SLC43A3: variants seen among roughly 807,000 people sequenced by gnomAD.
The protein encoded by SLC43A3 is solute carrier family 43 member 3.
Under a neutral mutation model 53.3 loss-of-function variants are expected in SLC43A3, and 33 were observed. That is an observed-to-expected ratio of 0.62 (90% CI 0.47 to 0.83). The LOEUF (loss-of-function observed/expected upper bound fraction) is 0.83. Among genes scored for constraint, SLC43A3 ranks in the 40% least tolerant of loss-of-function variants. The pLI is 0.00. For missense variants in SLC43A3, 530 were observed against 610.0 expected (o/e 0.87, Z 1.38); for synonymous variants, 236 against 246.2 (o/e 0.96, Z 0.39).
At chr11:57,416,291 G>A (rs1942718075) in intron 9 of SLC43A3, among the ~76,000 whole-genome samples, 1 of 152,188 alleles carries the variant, frequency 6.6e-6, no homozygotes, top group African/African-American at 2.4e-5. Context: ...ACAGAAGAGG[G>A]CAGAACCGAG....
rs1942258307 is a variant in SLC43A3 at position 57,407,381 on chromosome 11, G to A, written c.*411C>T. The A allele has an allele frequency of 5.9e-6, 1 of 170,350 alleles. No individual in the cohort carries two copies. Among genetic ancestry groups the A allele is most frequent in the African/African-American group, 2.4e-5 (1 of 41,874 alleles). 10.6% of individuals were successfully genotyped at this position (170,350 alleles called of 1,614,324 possible). ...AGGGAGAGCCAGGAAGCATAGCTGA[G>A]GCCATGACAACCTCACTCTTCACCT... On this transcript the variant is annotated 3_prime_UTR_variant, in exon 14 of 14. Transcript: ENST00000395124.
In SLC43A3 at chr11:57,420,993, C is replaced by CTTAATAAT; in HGVS notation, c.509_510insATTATTAA (p.Ala171LeufsTer34). ...TTACCTTAATAATAAGGAAGACTGC[C>CTTAATAAT]GAGGAAGAGTCAAATGCTCCATTGT... On this transcript the variant is annotated frameshift_variant, in exon 7 of 14. Coordinates refer to ENST00000395124, the MANE Select transcript of SLC43A3 (RefSeq NM_199329.3). LOFTEE classifies it high-confidence loss of function. The CTTAATAAT allele has an allele frequency of 6.2e-7, 1 of 1,612,820 alleles. No individual in the cohort carries two copies. Among genetic ancestry groups the CTTAATAAT allele is most frequent in the Non-Finnish European group, 8.5e-7 (1 of 1,178,870 alleles).
intron 2 of SLC43A3, 101 bp from the exon 3 acceptor site, chr11:57,426,453 T>C: frequency 2.2e-6 from 1 of 453,652 alleles, no homozygotes. Flanking sequence ...AGGATGATCA[T>C]GGCCGCTGGC....
intron 8 of SLC43A3, among the ~76,000 whole-genome samples, 162 bp downstream of exon 8, chr11:57,417,586 A>C (rs531643086): frequency 9.1e-4 from 139 of 152,372 alleles, no homozygotes; most frequent in African/African-American, 3.1e-3. Flanking sequence ...AATGCTTAAC[A>C]TTTTAGGCTG....
At chr11:57,423,451 T>G (rs1477061692) in intron 5 of SLC43A3, among the ~76,000 whole-genome samples, 2 of 152,288 alleles carry the variant, frequency 1.3e-5, no homozygotes, top group East Asian at 3.9e-4. Flanking sequence ...TGTTTTTTGG[T>G]AGAGTCTCAC....
chr11:57,407,773 A>G lies in SLC43A3; in HGVS notation c.*19T>C. 6.5e-7 allele frequency: 1 copy of G among 1,533,254 alleles called. No homozygotes were observed. The highest frequency in any genetic ancestry group is 9.0e-7 in the Non-Finnish European group (1 of 1,107,340). The allele number at this position is 1,533,254 out of a possible 1,614,324, so 95.0% of individuals were successfully genotyped here. ...ATGAACAAAACCATCCTCGGGGCTG[A>G]AAAGTGAGGGCTTCTGAACTATGCA... On this transcript the variant is annotated 3_prime_UTR_variant, in exon 14 of 14. Transcript: ENST00000395124.
In SLC43A3 at chr11:57,413,116, G is replaced by C. The variant is rs1942558602; in HGVS notation, c.1060+1499C>G. On this transcript the variant is annotated intron_variant, in intron 11 of 13. Coordinates refer to ENST00000395124, the MANE Select transcript of SLC43A3 (RefSeq NM_199329.3). ...TTTCCTCCAAGCTTCTAATCCTGTTGTTTACAGGAAATACCCAAGGAAAGG... is the reference window on the plus strand; with the variant it reads ...TTTCCTCCAAGCTTCTAATCCTGTTCTTTACAGGAAATACCCAAGGAAAGG... Among the ~76,000 whole-genome samples the C allele has an allele frequency of 2.0e-5, 3 of 150,822 alleles. No individual in the cohort carries two copies. In the South Asian group the frequency reaches 6.3e-4, roughly 32 times the overall value.
intron 11 of SLC43A3, among the ~76,000 whole-genome samples, chr11:57,411,831 A>G (rs1942489390): frequency 6.6e-6 from 1 of 152,180 alleles, no homozygotes; most frequent in African/African-American, 2.4e-5. Flanking sequence ...TAAAACCAGT[A>G]ATTATATTTA....
At position 57,409,271 on chromosome 11, in the gene SLC43A3, G is replaced by A. The variant is rs1412380550; in HGVS notation, c.1275C>T (p.Leu425=). ...CCGACAAGGCCATCACCAGCCCAAAGAGCTTGCCAAAGTGCTCTGAAGGGA... is the reference window on the plus strand; with the variant it reads ...CCGACAAGGCCATCACCAGCCCAAAAAGCTTGCCAAAGTGCTCTGAAGGGA... The part of the protein sequence containing the change: ...LAFPSEHFGK[L]FGLVMALSAV... Residue 425 remains leucine, a synonymous_variant, in exon 13 of 14, where the codon CTC becomes CTT. Coordinates refer to ENST00000395124, the MANE Select transcript of SLC43A3 (RefSeq NM_199329.3). 1.9e-6 allele frequency: 3 copies of A among 1,614,214 alleles called. No homozygotes were observed. Among genetic ancestry groups the A allele is most frequent in the Non-Finnish European group, 2.5e-6 (3 of 1,180,026 alleles).
intron 12 of SLC43A3, among the ~76,000 whole-genome samples, 198 bp from the exon 13 acceptor site, chr11:57,409,496 C>T (rs952996969): frequency 2.6e-5 from 4 of 152,176 alleles, no homozygotes; most frequent in African/African-American, 9.7e-5. Flanking sequence ...AAGGCACATG[C>T]GGGGCCCTGG....
chr11:57,423,983 T>A lies in SLC43A3; in HGVS notation c.360A>T (p.Ala120=), dbSNP rs1419120244. The A allele has an allele frequency of 5.6e-6, 9 of 1,614,164 alleles. No individual in the cohort carries two copies. Among genetic ancestry groups the A allele is most frequent in the Non-Finnish European group, 6.8e-6 (8 of 1,179,990 alleles). The part of the protein sequence containing the change: ...TATLIIAFTS[A]GSAVLLFLAM... ...TCCCACCCACCTGACAGCACTCACC[T>A]GCAGAGGTGAAGGCTATGATGAGTG... The change falls in exon 5 of 14, where the codon GCA becomes GCT. Residue 120 remains alanine (A), a splice_region_variant and synonymous_variant. Transcript: ENST00000395124.
chr11:57,425,714 CA>C, intron 3 of SLC43A3, 44 bp from the exon 4 acceptor site: 2 of 1,610,248 alleles, frequency 1.2e-6, no homozygotes, highest in Non-Finnish European at 1.7e-6. Flanking sequence ...GCCTTCCTGC[CA>C]AATGAGCACA....
At chr11:57,424,472 C>T (rs1412121975) in intron 4 of SLC43A3, among the ~76,000 whole-genome samples, 1 of 152,236 alleles carries the variant, frequency 6.6e-6, no homozygotes, top group Non-Finnish European at 1.5e-5. Context: ...GGGCAAGGCG[C>T]TGTCCTTCTC....
At position 57,410,090 on chromosome 11, in the gene SLC43A3, C is replaced by T. The variant is rs1472040914; in HGVS notation, c.1092G>A (p.Ser364=). 16 of 1,608,508 alleles carry T rather than the reference C, an allele frequency of 9.9e-6. No individual in the cohort carries two copies. Among genetic ancestry groups the T allele is most frequent in the South Asian group, 1.1e-5 (1 of 89,774 alleles). ...ATGTCAGGGCCAGCGAAGGCACCGT[C>T]GAGCAGAGGGCCACCGCCAAAGTGG... ...GSSTLAVALC[S]TVPSLALTSL... Residue 364 remains serine, a synonymous_variant, in exon 12 of 14, where the codon TCG becomes TCA. Transcript: ENST00000395124.
In SLC43A3 at chr11:57,421,370, G is replaced by A. The variant is rs760002933; in HGVS notation, c.365C>T (p.Ser122Leu). 1.3e-5 allele frequency: 21 copies of A among 1,613,486 alleles called. No homozygotes were observed. The highest frequency in any genetic ancestry group is 1.7e-5 in the Non-Finnish European group (20 of 1,179,748). The change falls in exon 6 of 14, where the codon TCA (serine) becomes TTA (leucine). Residue 122 changes from serine (S) to leucine (L), a missense_variant. Coordinates refer to ENST00000395124, the MANE Select transcript of SLC43A3 (RefSeq NM_199329.3). ...TLIIAFTSAG[S>L]AVLLFLAMPM... Reference sequence around the variant, plus strand: ...CATGGCCAGGAAGAGCAGCACGGCTGAGCCTGGACCATCAAAGTCAGAGGT... The same window carrying A: ...CATGGCCAGGAAGAGCAGCACGGCTAAGCCTGGACCATCAAAGTCAGAGGT...
intron 7 of SLC43A3, 64 bp from the exon 8 acceptor site, chr11:57,417,951 G>A (rs544847369): frequency 1.3e-6 from 2 of 1,518,808 alleles, no homozygotes; most frequent in South Asian, 2.3e-5. Context: ...ATTCACAATA[G>A]CCAAAGGATG....
At chr11:57,425,415 C>T (rs189386774) in intron 4 of SLC43A3, 126 bp downstream of exon 4, 50 of 931,388 alleles carry the variant, frequency 5.4e-5, no homozygotes, top group African/African-American at 4.4e-4. Context: ...CTGCTGGGAG[C>T]GAGCTGCAGG....
intron 4 of SLC43A3, among the ~76,000 whole-genome samples, chr11:57,424,795 C>T (rs922747413): frequency 1.3e-5 from 2 of 152,202 alleles, no homozygotes; most frequent in Admixed American, 6.5e-5. Flanking sequence ...GCAGGCCCAG[C>T]CAGCCCTCCC....
chr11:57,417,971 T>TA, intron 7 of SLC43A3, 84 bp from the exon 8 acceptor site: 1 of 1,283,768 alleles, frequency 7.8e-7, no homozygotes, highest in Non-Finnish European at 1.1e-6. Flanking sequence ...GGAAGCAAAC[T>TA]AAGGGTCCAT....
Sources: allele counts gnomAD v4.1 joint callset (sites outside exome capture counted in the v4.1 genomes callset), GRCh38; gene constraint gnomAD v4.1.1; transcripts MANE v1.5; gene names NCBI Gene and HGNC (gene_info 2026-07-23, HGNC 2026-07-21).